HMGB1: variants seen among roughly 807,000 people sequenced by gnomAD.
The protein encoded by HMGB1 is high mobility group box 1, also known as high mobility group protein B1.
For missense variants in HMGB1, 79 were observed against 253.5 expected (o/e 0.31, Z 4.67); for synonymous variants, 81 against 84.0 (o/e 0.96, Z 0.19).
chr13:30,550,326 G>A (rs1347787083), intron 1 of HMGB1, among the ~76,000 whole-genome samples: 2 of 152,144 alleles, frequency 1.3e-5, no homozygotes, highest in East Asian at 3.9e-4. Context: ...GAACACAAAG[G>A]TGGGTGGCTT....
chr13:30,605,659 G>A (rs1950450521), intron 1 of HMGB1, among the ~76,000 whole-genome samples: 1 of 152,184 alleles, frequency 6.6e-6, no homozygotes, highest in Non-Finnish European at 1.5e-5. Flanking sequence ...GCAGAAGAAG[G>A]GTAGAGGTGG....
chr13:30,461,932 TA>T lies in HMGB1; in HGVS notation c.472-400del, dbSNP rs753981398. Among the ~76,000 whole-genome samples, 20 of 148,500 alleles carry T rather than the reference TA, an allele frequency of 1.3e-4. No homozygotes were observed. In the East Asian group the frequency reaches 1.8e-3, roughly 13 times the overall value. On this transcript the variant is annotated intron_variant, in intron 4 of 4. Transcript: ENST00000341423. ...TAATCCTTAGTAGGAAATGTGGTCT[TA>T]AAAAAAAAAGGTAATTTGTCAATAA...
At chr13:30,564,447 C>CAG (rs767251860) in intron 1 of HMGB1, among the ~76,000 whole-genome samples, 4 of 151,724 alleles carry the variant, frequency 2.6e-5, no homozygotes, top group Admixed American at 6.6e-5. Context: ...GCCTGGGCAA[C>CAG]AGAGAGAGAG....
chr13:30,596,952 G>A (rs771650797), intron 1 of HMGB1, among the ~76,000 whole-genome samples: 1 of 152,126 alleles, frequency 6.6e-6, no homozygotes, highest in Non-Finnish European at 1.5e-5. Context: ...ACAAATACTG[G>A]GTTAGTCAGT....
At chr13:30,554,139 A>G in intron 1 of HMGB1, 1 of 1,270,404 alleles carries the variant, frequency 7.9e-7, no homozygotes, top group Middle Eastern at 2.2e-4. Context: ...TACACAGTAC[A>G]TCTACTACGA....
chr13:30,472,375 C>A (rs150039780), intron 1 of HMGB1, among the ~76,000 whole-genome samples: 1 of 151,652 alleles, frequency 6.6e-6, no homozygotes, highest in Non-Finnish European at 1.5e-5. Flanking sequence ...CCGAGGCAGG[C>A]GGATAACTTA....
intron 1 of HMGB1, among the ~76,000 whole-genome samples, chr13:30,585,394 A>G (rs1229796230): frequency 6.6e-6 from 1 of 152,202 alleles, no homozygotes. Context: ...TCCATTATAA[A>G]GAAAAGTACA....
chr13:30,515,841 T>A (rs2137468410), intron 1 of HMGB1, among the ~76,000 whole-genome samples: 1 of 152,274 alleles, frequency 6.6e-6, no homozygotes. Context: ...GTAGAATATT[T>A]TACAAACTAA....
At chr13:30,554,192 T>G in intron 1 of HMGB1, 1 of 1,422,154 alleles carries the variant, frequency 7.0e-7, no homozygotes, top group East Asian at 2.3e-5. Context: ...AATATCTCAC[T>G]TGCATTATAC....
At chr13:30,501,526 A>G (rs1022863621) in intron 1 of HMGB1, among the ~76,000 whole-genome samples, 4 of 151,888 alleles carry the variant, frequency 2.6e-5, no homozygotes, top group African/African-American at 7.2e-5. Context: ...GAAGAAGGGT[A>G]AGATTAAAAT....
At chr13:30,465,633 C>T (rs559885628) in intron 1 of HMGB1, among the ~76,000 whole-genome samples, 163 bp downstream of exon 1, 82 of 151,408 alleles carry the variant, frequency 5.4e-4, no homozygotes, top group South Asian at 3.9e-3. Flanking sequence ...TCCCGGCGCC[C>T]GGGCAGAGGC....
intron 1 of HMGB1, among the ~76,000 whole-genome samples, chr13:30,551,828 C>G (rs927224286): frequency 6.6e-6 from 1 of 152,146 alleles, no homozygotes; most frequent in African/African-American, 2.4e-5. Context: ...ACGTCAGCCT[C>G]CTGAGTAGCT....
At chr13:30,546,157 C>T (rs1869148001) in intron 1 of HMGB1, among the ~76,000 whole-genome samples, 1 of 152,114 alleles carries the variant, frequency 6.6e-6, no homozygotes, top group Non-Finnish European at 1.5e-5. Context: ...TGCTCTGTTG[C>T]CAGGCTGGAG....
chr13:30,595,344 G>A (rs1871560591), intron 1 of HMGB1, among the ~76,000 whole-genome samples: 1 of 152,148 alleles, frequency 6.6e-6, no homozygotes. Flanking sequence ...AGATGTTCTA[G>A]CCACGATCCA....
intron 1 of HMGB1, among the ~76,000 whole-genome samples, chr13:30,471,022 A>G (rs1291281184): frequency 1.3e-5 from 2 of 151,850 alleles, no homozygotes; most frequent in African/African-American, 4.8e-5. Context: ...TCTATTGCCC[A>G]GGTTGGAGTG....
chr13:30,554,778 G>T (rs536160150), intron 1 of HMGB1: 2 of 767,078 alleles, frequency 2.6e-6, no homozygotes, highest in Admixed American at 1.7e-5. Context: ...GAGGCTAAAT[G>T]AGAACGAACA....
intron 4 of HMGB1, 63 bp downstream of exon 4, chr13:30,462,475 T>G: frequency 7.5e-7 from 1 of 1,330,050 alleles, no homozygotes; most frequent in Non-Finnish European, 1.1e-6. Flanking sequence ...CACCTCAAAC[T>G]AAGTACAATC....
chr13:30,571,578 G>A (rs1383903629), intron 1 of HMGB1, among the ~76,000 whole-genome samples: 3 of 152,174 alleles, frequency 2.0e-5, no homozygotes, highest in Non-Finnish European at 4.4e-5. Flanking sequence ...ACAGGCGTGA[G>A]CCACCGTACC....
chr13:30,546,073 A>G (rs888957994), intron 1 of HMGB1, among the ~76,000 whole-genome samples: 6 of 152,136 alleles, frequency 3.9e-5, no homozygotes, highest in Admixed American at 1.3e-4. Flanking sequence ...CACTTCCATC[A>G]TCACGGAAAG....
Sources: allele counts gnomAD v4.1 joint callset (sites outside exome capture counted in the v4.1 genomes callset), GRCh38; gene constraint gnomAD v4.1.1; transcripts MANE v1.5; gene names NCBI Gene and HGNC (gene_info 2026-07-23, HGNC 2026-07-21).